The following EFL1 variants were observed in gnomAD, a reference collection of about 807,000 sequenced individuals.
EFL1 encodes the protein elongation factor-like GTPase 1.
In EFL1, 76 loss-of-function variants were observed where a neutral mutation model predicts 126.7. The ratio of observed to expected loss-of-function variants is 0.60; its 90% CI spans 0.50 to 0.73. EFL1 has a LOEUF of 0.73. Among genes scored for constraint, EFL1 ranks in the 30% least tolerant of loss-of-function variants. The pLI is 0.00. For synonymous variants in EFL1, 410 were observed against 448.4 expected (o/e 0.91, Z 1.08); for missense variants, 1,128 against 1,343.2 (o/e 0.84, Z 2.50).
intron 19 of EFL1, among the ~76,000 whole-genome samples, chr15:82,136,200 G>C (rs1254930992): frequency 6.6e-6 from 1 of 152,068 alleles, no homozygotes; most frequent in Admixed American, 6.5e-5. Flanking sequence ...GAATTCAAAT[G>C]AATCATTCTT....
rs373969510 is a variant in EFL1, at chr15:82,187,502, A to G, written c.1751-23518T>C. Among the ~76,000 whole-genome samples, 11 of 152,292 alleles carry G rather than the reference A, an allele frequency of 7.2e-5. No homozygotes were observed. The East Asian group carries it at 1.2e-3, about 16-fold the overall frequency. On this transcript the variant is annotated intron_variant, in intron 15 of 19. Transcript: ENST00000268206. ...GGTCAGAAAATAATAGCTTGTGCACATTATATTTTGGAGATTTTATTAAAA... is the reference window on the plus strand; with the variant it reads ...GGTCAGAAAATAATAGCTTGTGCACGTTATATTTTGGAGATTTTATTAAAA...
chr15:82,190,980 T>C (rs2074353469), intron 15 of EFL1, among the ~76,000 whole-genome samples: 1 of 152,002 alleles, frequency 6.6e-6, no homozygotes, highest in African/African-American at 2.4e-5. Context: ...TCTCCAACTT[T>C]CCTTGATTTT....
At chr15:82,226,934 A>G in intron 11 of EFL1, among the ~76,000 whole-genome samples, 1 of 152,202 alleles carries the variant, frequency 6.6e-6, no homozygotes, top group Middle Eastern at 3.2e-3. Context: ...TGGAAGCCTA[A>G]AAGTCAAGGG....
chr15:82,200,705 T>C (rs2074458662), intron 15 of EFL1, among the ~76,000 whole-genome samples: 1 of 152,250 alleles, frequency 6.6e-6, no homozygotes, highest in African/African-American at 2.4e-5. Flanking sequence ...TCATCTTGGC[T>C]CTGGGAGTTG....
At position 82,261,699 on chromosome 15, in the gene EFL1, T is replaced by A. The variant is rs760712943; in HGVS notation, c.80A>T (p.His27Leu). The change falls in exon 2 of 20, where the codon CAT (histidine) becomes CTT (leucine). Residue 27 changes from histidine to leucine, a missense_variant. This residue lies in a region of EFL1 where 118 missense variants were observed against 188.1 expected (regional missense o/e 0.63). Coordinates refer to ENST00000268206, the MANE Select transcript of EFL1 (RefSeq NM_024580.6). ...AAAAGTATTCTTACCATGGTCAACATGAGCCAAAACACAAATATTCCTGAT... is the reference window on the plus strand; with the variant it reads ...AAAAGTATTCTTACCATGGTCAACAAGAGCCAAAACACAAATATTCCTGAT... Reference protein sequence around the residue: ...ANIRNICVLAHVDHGKTTLAD... With the variant: ...ANIRNICVLALVDHGKTTLAD... 4.3e-6 allele frequency: 7 copies of A among 1,613,934 alleles called. No homozygotes were observed. The highest frequency in any genetic ancestry group is 5.9e-6 in the Non-Finnish European group (7 of 1,179,976).
At chr15:82,157,577 G>T (rs1345511528) in intron 17 of EFL1, 136 bp downstream of exon 17, 55 of 1,033,068 alleles carry the variant, frequency 5.3e-5, no homozygotes, top group Non-Finnish European at 8.2e-6. Flanking sequence ...TCGAATAACT[G>T]TTCATGTCTG....
chr15:82,183,225 T>A (rs1567054110), intron 15 of EFL1, among the ~76,000 whole-genome samples: 1 of 152,228 alleles, frequency 6.6e-6, no homozygotes, highest in African/African-American at 2.4e-5. Context: ...GATAATCATA[T>A]AATAATTTTG....
At chr15:82,184,837 T>C (rs1595967995) in intron 15 of EFL1, among the ~76,000 whole-genome samples, 1 of 152,192 alleles carries the variant, frequency 6.6e-6, no homozygotes, top group Non-Finnish European at 1.5e-5. Flanking sequence ...AACAATCTAC[T>C]ATATGGTGAA....
At chr15:82,210,823 T>C (rs2074576013) in intron 15 of EFL1, among the ~76,000 whole-genome samples, 2 of 146,960 alleles carry the variant, frequency 1.4e-5, no homozygotes, top group Admixed American at 6.9e-5. Context: ...GATTGCACCA[T>C]TGCACTCCAG....
chr15:82,151,771 C>T lies in EFL1; in HGVS notation c.2683G>A (p.Glu895Lys). 6.2e-7 allele frequency: 1 copy of T among 1,614,102 alleles called. No homozygotes were observed. Among genetic ancestry groups the T allele is most frequent in the Admixed American group, 1.7e-5 (1 of 60,014 alleles). Residue 895 changes from glutamate to lysine, a missense_variant, in exon 18 of 20, where the codon GAA becomes AAA. Physicochemically the swap from Glu to Lys is moderately conservative, Grantham distance 56. Coordinates refer to ENST00000268206, the MANE Select transcript of EFL1 (RefSeq NM_024580.6). ...TCAAATTTACTTAGGTCCCATTTTT[C>T]CAGAACAAAACAGACACCCATGAGA... The part of the protein sequence containing the change: ...EPLMGVCFVL[E>K]KWDLSKFEEQ...
chr15:82,138,623 AGAAG>A, intron 19 of EFL1, 31 bp downstream of exon 19: 1 of 1,605,146 alleles, frequency 6.2e-7, no homozygotes, highest in Non-Finnish European at 8.5e-7. Context: ...TCCATAGATG[AGAAG>A]GAAGGAATGA....
At chr15:82,149,233 G>A (rs1392530933) in intron 18 of EFL1, among the ~76,000 whole-genome samples, 3 of 152,000 alleles carry the variant, frequency 2.0e-5, no homozygotes, top group Admixed American at 2.0e-4. Context: ...AAAATTAAGT[G>A]TATAGACTCA....
At chr15:82,203,352 A>G (rs1888391685) in intron 15 of EFL1, among the ~76,000 whole-genome samples, 1 of 152,126 alleles carries the variant, frequency 6.6e-6, no homozygotes, top group African/African-American at 2.4e-5. Flanking sequence ...TAAACAATAT[A>G]TGGCATGTAC....
Position 82,163,976 on chromosome 15 carries a change from C to G in EFL1, c.1759G>C (p.Gly587Arg). The G allele has an allele frequency of 6.2e-7, 1 of 1,613,684 alleles. No individual in the cohort carries two copies. Among genetic ancestry groups the G allele is most frequent in the Non-Finnish European group, 8.5e-7 (1 of 1,179,810 alleles). The change falls in exon 16 of 20, where the codon GGC (glycine) becomes CGC (arginine). Residue 587 changes from glycine to arginine, a missense_variant. By Grantham distance (125) the Gly-to-Arg change is moderately radical (BLOSUM62 -2). Transcript: ENST00000268206. ...VPPGNVLGIG[G>R]LQDFVLKSAT... ...GATTTCAGCACAAAATCTTGAAGGCCTCCTATTCCTGTAGGAAGAAAAGAT... is the reference window on the plus strand; with the variant it reads ...GATTTCAGCACAAAATCTTGAAGGCGTCCTATTCCTGTAGGAAGAAAAGAT...
chr15:82,203,574 C>G (rs756117662), intron 15 of EFL1, among the ~76,000 whole-genome samples: 4 of 152,142 alleles, frequency 2.6e-5, no homozygotes, highest in Non-Finnish European at 4.4e-5. Context: ...AGGGTTTCAT[C>G]ATGTTGGCCA....
At chr15:82,165,970 A>G (rs1439806063) in intron 15 of EFL1, among the ~76,000 whole-genome samples, 4 of 152,320 alleles carry the variant, frequency 2.6e-5, no homozygotes, top group African/African-American at 9.6e-5. Flanking sequence ...ACACACAGTA[A>G]TACCTGGCTA....
At chr15:82,180,237 G>A (rs2074235488) in intron 15 of EFL1, among the ~76,000 whole-genome samples, 1 of 151,852 alleles carries the variant, frequency 6.6e-6, no homozygotes, top group Non-Finnish European at 1.5e-5. Context: ...TCTCTACTCA[G>A]ATACTCACCA....
chr15:82,139,801 A>G lies in EFL1; in HGVS notation c.2990-959T>C, dbSNP rs146760110. On this transcript the variant is annotated intron_variant, in intron 18 of 19. Coordinates refer to ENST00000268206, the MANE Select transcript of EFL1 (RefSeq NM_024580.6). ...TACAACACTGCTGCTAAGCAGGGCT[A>G]AAGTATCCTTTGACCACCATTGAGT... Among the ~76,000 whole-genome samples, 1,073 of 152,360 alleles carry G rather than the reference A, an allele frequency of 7.0e-3. 13 individuals are homozygous for G. The highest frequency in any genetic ancestry group is 0.025 in the African/African-American group (1,025 of 41,578).
intron 15 of EFL1, among the ~76,000 whole-genome samples, chr15:82,178,935 C>T (rs961194113): frequency 6.6e-6 from 1 of 152,014 alleles, no homozygotes; most frequent in African/African-American, 2.4e-5. Context: ...AGTTCAAGAC[C>T]AGCCTGGGAA....
Sources: allele counts gnomAD v4.1 joint callset (sites outside exome capture counted in the v4.1 genomes callset), GRCh38; gene constraint gnomAD v4.1.1; regional missense constraint gnomAD v4.1.1; transcripts MANE v1.5; gene names NCBI Gene and HGNC (gene_info 2026-07-23, HGNC 2026-07-21).